ATF7: variants seen among roughly 807,000 people sequenced by gnomAD.
The protein encoded by ATF7 is activating transcription factor 7, also known as cyclic AMP-dependent transcription factor ATF-7.
A neutral mutation model predicts 50.4 loss-of-function variants in ATF7; 10 were observed. The ratio of observed to expected loss-of-function variants is 0.20; its 90% CI spans 0.12 to 0.34. The LOEUF (loss-of-function observed/expected upper bound fraction) is 0.34, where lower values mean the gene tolerates loss of function less well. ATF7 is among the 10% of genes least tolerant of loss of function. The pLI, the probability that ATF7 is intolerant of heterozygous loss-of-function variation, is 1.00. For missense variants in ATF7, 465 were observed against 613.9 expected, an observed-to-expected ratio of 0.76 and a Z score of 2.56; for synonymous variants, 201 against 226.4, an observed-to-expected ratio of 0.89 and a Z score of 1.01.
intron 2 of ATF7, among the ~76,000 whole-genome samples, chr12:53,566,667 G>A (rs932537822): frequency 1.3e-5 from 2 of 152,198 alleles, no homozygotes; most frequent in African/African-American, 4.8e-5. Flanking sequence ...AAAGAACCTA[G>A]GTCCTTGATA....
At chr12:53,566,268 T>C (rs755166298) in intron 2 of ATF7, among the ~76,000 whole-genome samples, 1 of 152,156 alleles carries the variant, frequency 6.6e-6, no homozygotes, top group Non-Finnish European at 1.5e-5. Context: ...TATAACTGGA[T>C]TGCTCAGGAG....
intron 1 of ATF7, among the ~76,000 whole-genome samples, chr12:53,616,018 C>G (rs1944102024): frequency 1.3e-5 from 2 of 152,204 alleles, no homozygotes; most frequent in South Asian, 4.1e-4. Flanking sequence ...CAAAAATTGA[C>G]CGGTTTAGCA....
chr12:53,555,963 C>T (rs1285906018), intron 2 of ATF7, among the ~76,000 whole-genome samples: 2 of 151,892 alleles, frequency 1.3e-5, no homozygotes, highest in African/African-American at 2.4e-5. Flanking sequence ...TTACAGGTGC[C>T]TGCTACCACA....
At chr12:53,509,505 T>TC (rs1266186419), downstream of ATF7, among the ~76,000 whole-genome samples, 1 of 143,324 alleles carries the variant, frequency 7.0e-6, no homozygotes, top group East Asian at 2.0e-4. Context: ...CACTCCAGCT[T>TC]TTTTTTTTTT....
chr12:53,534,739 C>T, intron 5 of ATF7, 80 bp from the exon 6 acceptor site: 1 of 1,464,762 alleles, frequency 6.8e-7, no homozygotes, highest in Non-Finnish European at 9.2e-7. Flanking sequence ...AAATCTAGTA[C>T]AAATTTATTG....
chr12:53,557,507 G>A (rs963488133), intron 2 of ATF7, among the ~76,000 whole-genome samples: 44 of 152,220 alleles, frequency 2.9e-4, no homozygotes, highest in African/African-American at 8.9e-4. Flanking sequence ...CCAGCCCCTC[G>A]TTTGTTAATA....
chr12:53,582,414 T>C (rs565575569), intron 2 of ATF7, among the ~76,000 whole-genome samples: 18 of 151,300 alleles, frequency 1.2e-4, no homozygotes, highest in South Asian at 8.3e-4. Flanking sequence ...AGTGGGAGGA[T>C]TGCTTGAGAC....
chr12:53,517,859 T>A (rs755798462), intron 11 of ATF7, among the ~76,000 whole-genome samples: 2 of 152,198 alleles, frequency 1.3e-5, no homozygotes, highest in Non-Finnish European at 2.9e-5. Context: ...TATTCCATTA[T>A]TTTATTTATT....
At chr12:53,583,192 A>G (rs906479046) in intron 2 of ATF7, among the ~76,000 whole-genome samples, 5 of 152,166 alleles carry the variant, frequency 3.3e-5, no homozygotes, top group African/African-American at 1.2e-4. Flanking sequence ...AGCAGCAGGC[A>G]AGTGAGTGAA....
At chr12:53,580,636 C>T (rs1647972968) in intron 2 of ATF7, among the ~76,000 whole-genome samples, 1 of 142,616 alleles carries the variant, frequency 7.0e-6, no homozygotes, top group Admixed American at 7.2e-5. Context: ...TGAACTCTAG[C>T]CTGGGTGACA....
At chr12:53,614,228 A>G (rs1944017723) in intron 1 of ATF7, among the ~76,000 whole-genome samples, 1 of 152,196 alleles carries the variant, frequency 6.6e-6, no homozygotes, top group South Asian at 2.1e-4. Context: ...AGCAAAAACA[A>G]AGAAGCAACA....
chr12:53,565,801 T>C (rs1233237373), intron 2 of ATF7, among the ~76,000 whole-genome samples: 1 of 152,120 alleles, frequency 6.6e-6, no homozygotes, highest in Non-Finnish European at 1.5e-5. Flanking sequence ...CCCCCTTCTC[T>C]TTTTAATAGT....
intron 2 of ATF7, among the ~76,000 whole-genome samples, chr12:53,553,158 G>C (rs1311616371): frequency 6.6e-6 from 1 of 152,182 alleles, no homozygotes; most frequent in African/African-American, 2.4e-5. Flanking sequence ...CAGTGCTGCA[G>C]CAGGCGCCTG....
intron 1 of ATF7, among the ~76,000 whole-genome samples, chr12:53,623,328 T>C (rs1944478112): frequency 6.6e-6 from 1 of 152,186 alleles, no homozygotes; most frequent in Non-Finnish European, 1.5e-5. Flanking sequence ...CATGTCAAAA[T>C]GAGTAAATGT....
intron 9 of ATF7, among the ~76,000 whole-genome samples, chr12:53,528,411 G>A (rs1362509629): frequency 7.3e-5 from 11 of 151,434 alleles, no homozygotes; most frequent in South Asian, 2.1e-4. Flanking sequence ...GTGGATTGCC[G>A]GACCTCAGGA....
chr12:53,529,729 A>ACACACACACACACG (rs1323761510), intron 9 of ATF7, among the ~76,000 whole-genome samples: 1 of 147,538 alleles, frequency 6.8e-6, no homozygotes, highest in East Asian at 2.0e-4. Flanking sequence ...ACACACACAC[A>ACACACACACACACG]CACACATATA....
At chr12:53,561,235 G>A (rs1941085101) in intron 2 of ATF7, among the ~76,000 whole-genome samples, 1 of 151,470 alleles carries the variant, frequency 6.6e-6, no homozygotes, top group Non-Finnish European at 1.5e-5. Flanking sequence ...CATATACTTG[G>A]GGGCGTATTT....
intron 3 of ATF7, among the ~76,000 whole-genome samples, chr12:53,545,134 TCTC>T (rs1487704145): frequency 6.6e-6 from 1 of 152,100 alleles, no homozygotes; most frequent in Non-Finnish European, 1.5e-5. Context: ...CAAACGAACT[TCTC>T]CTGCACCCTG....
intron 1 of ATF7, among the ~76,000 whole-genome samples, chr12:53,613,327 C>T (rs1943979285): frequency 6.6e-6 from 1 of 152,154 alleles, no homozygotes; most frequent in African/African-American, 2.4e-5. Context: ...GTTAGCCAGA[C>T]ATTAAAGAGA....
Sources: gnomAD v4.1 joint callset for allele counts (sites outside exome capture counted in the v4.1 genomes callset) on GRCh38, gnomAD v4.1.1 for gene constraint, MANE v1.5 for transcripts, NCBI Gene and HGNC (gene_info 2026-07-23, HGNC 2026-07-21) for gene names.